XPO4: variants seen among roughly 807,000 people sequenced by gnomAD.
XPO4 encodes exportin-4.
Under a neutral mutation model 143.0 loss-of-function variants are expected in XPO4, and 39 were observed. That is an observed-to-expected ratio of 0.27 (90% confidence interval 0.21 to 0.36). The LOEUF (loss-of-function observed/expected upper bound fraction) is 0.36. Among genes scored for constraint, XPO4 ranks in the 10% least tolerant of loss-of-function variants. The pLI, the probability that XPO4 is intolerant of heterozygous loss-of-function variation, is 1.00. For missense variants in XPO4, 907 were observed against 1,348.0 expected (o/e 0.67, Z 5.12); for synonymous variants, 439 against 474.0 (o/e 0.93, Z 0.96).
At chr13:20,838,299 A>G (rs892915173) in intron 6 of XPO4, among the ~76,000 whole-genome samples, 3 of 151,984 alleles carry the variant, frequency 2.0e-5, no homozygotes, top group African/African-American at 7.2e-5. Flanking sequence ...CAATTAATAC[A>G]GTACTTTCTA....
chr13:20,849,710 T>G, intron 4 of XPO4: 1 of 984,408 alleles, frequency 1.0e-6, no homozygotes, highest in Non-Finnish European at 1.2e-6. Context: ...AAATTAGATA[T>G]AATCTTTCCA....
chr13:20,854,132 A>T (rs2818996), intron 4 of XPO4, among the ~76,000 whole-genome samples: 44,453 of 152,066 alleles, frequency 0.29, 8,196 homozygotes, highest in East Asian at 0.8. Flanking sequence ...AACAAACACA[A>T]GACCATTGAT....
chr13:20,831,869 G>C (rs1325638113), intron 6 of XPO4, among the ~76,000 whole-genome samples: 1 of 145,364 alleles, frequency 6.9e-6, no homozygotes, highest in Non-Finnish European at 1.5e-5. Context: ...TCTTAGCAAG[G>C]GTTCCGGCAA....
intron 2 of XPO4, among the ~76,000 whole-genome samples, chr13:20,864,527 C>T (rs1420350503): frequency 6.6e-6 from 1 of 152,068 alleles, no homozygotes; most frequent in African/African-American, 2.4e-5. Context: ...CTGAAGGATG[C>T]CCCAAGAGAT....
chr13:20,816,600 A>G (rs2059654059), intron 9 of XPO4, among the ~76,000 whole-genome samples: 4 of 152,242 alleles, frequency 2.6e-5, no homozygotes, highest in Admixed American at 2.6e-4. Context: ...TCACTTAAAT[A>G]TGATATGGAA....
chr13:20,827,219 T>G, intron 6 of XPO4, 40 bp from the exon 7 acceptor site: 1 of 1,429,202 alleles, frequency 7.0e-7, no homozygotes. Context: ...ACATTCTTAC[T>G]TTGTCTAAAG....
At chr13:20,786,466 T>C (rs1013869439) in intron 22 of XPO4, among the ~76,000 whole-genome samples, 1 of 152,100 alleles carries the variant, frequency 6.6e-6, no homozygotes, top group Non-Finnish European at 1.5e-5. Context: ...ACAGGTAAGC[T>C]AGCCTAACTC....
At chr13:20,882,759 G>A (rs914018133) in intron 1 of XPO4, among the ~76,000 whole-genome samples, 5 of 151,850 alleles carry the variant, frequency 3.3e-5, no homozygotes, top group African/African-American at 7.3e-5. Context: ...GTGGTGGTGG[G>A]CACCTATAAT....
At chr13:20,796,567 A>T (rs992325385) in intron 17 of XPO4, among the ~76,000 whole-genome samples, 197 bp downstream of exon 17, 3 of 144,594 alleles carry the variant, frequency 2.1e-5, no homozygotes, top group African/African-American at 8.2e-5. Flanking sequence ...AGAAGAAATT[A>T]AAAAAAAAAT....
At chr13:20,842,831 G>A (rs1217929062) in intron 6 of XPO4, 64 bp downstream of exon 6, 14 of 1,437,922 alleles carry the variant, frequency 9.7e-6, no homozygotes, top group African/African-American at 2.8e-5. Context: ...GAAAGACTCC[G>A]AGCTGTAATT....
chr13:20,887,388 A>G (rs1386259911), intron 1 of XPO4, among the ~76,000 whole-genome samples: 1 of 152,198 alleles, frequency 6.6e-6, no homozygotes, highest in Non-Finnish European at 1.5e-5. Flanking sequence ...TTAAAACATT[A>G]CAACATTACA....
chr13:20,875,065 A>G (rs2060338854), intron 1 of XPO4, among the ~76,000 whole-genome samples: 1 of 152,200 alleles, frequency 6.6e-6, no homozygotes, highest in South Asian at 2.1e-4. Flanking sequence ...AAATTGACTA[A>G]GACAGATGGT....
intron 3 of XPO4, 144 bp from the exon 4 acceptor site, chr13:20,855,909 A>G: frequency 3.5e-6 from 3 of 853,018 alleles, no homozygotes; most frequent in Non-Finnish European, 5.0e-6. Flanking sequence ...CAGACTCCAA[A>G]GCCAGGAGGC....
chr13:20,852,514 C>G lies in XPO4; in HGVS notation c.456+3113G>C, dbSNP rs974777449. ...CAAATTCATAGAAATGACAAGATTACCATTATACAACTCGTGTAGACACTG... is the reference window on the plus strand; with the variant it reads ...CAAATTCATAGAAATGACAAGATTAGCATTATACAACTCGTGTAGACACTG... On this transcript the variant is annotated intron_variant, in intron 4 of 22. Coordinates refer to ENST00000255305, the MANE Select transcript of XPO4 (RefSeq NM_022459.5). The G allele has an allele frequency of 1.7e-5, 17 of 985,318 alleles. No individual in the cohort carries two copies. The African/African-American group carries it at 2.8e-4, about 16-fold the overall frequency. 61.0% of individuals were successfully genotyped at this position (985,318 alleles called of 1,614,324 possible). A position where few individuals can be genotyped will look rare whatever the true frequency, so the allele number is the denominator to read the frequency against.
intron 7 of XPO4, 84 bp downstream of exon 7, chr13:20,826,983 C>T: frequency 3.4e-6 from 3 of 884,684 alleles, no homozygotes; most frequent in Non-Finnish European, 5.6e-6. Context: ...GAAAAGCAAT[C>T]TGTTCTGTTT....
At chr13:20,835,223 G>GAAATACTGATT (rs1256805368) in intron 6 of XPO4, among the ~76,000 whole-genome samples, 1 of 151,998 alleles carries the variant, frequency 6.6e-6, no homozygotes, top group East Asian at 1.9e-4. Flanking sequence ...ATAGTTGGAG[G>GAAATACTGATT]AAATACTGAT....
At chr13:20,852,057 C>A (rs1022736932) in intron 4 of XPO4, 27 of 985,252 alleles carry the variant, frequency 2.7e-5, no homozygotes, top group Non-Finnish European at 3.1e-5. Context: ...CCTTCGCCTG[C>A]GCCGTCCCAG....
At chr13:20,895,737 T>C (rs1415708245) in intron 1 of XPO4, among the ~76,000 whole-genome samples, 2 of 152,218 alleles carry the variant, frequency 1.3e-5, no homozygotes, top group Non-Finnish European at 2.9e-5. Flanking sequence ...TCATATATTC[T>C]ATTCTGCAAT....
At chr13:20,835,046 C>T (rs1308634493) in intron 6 of XPO4, among the ~76,000 whole-genome samples, 1 of 152,046 alleles carries the variant, frequency 6.6e-6, no homozygotes, top group African/African-American at 2.4e-5. Context: ...CCTCTGTTGC[C>T]CAGGCTGGGG....
Sources: allele counts gnomAD v4.1 joint callset (sites outside exome capture counted in the v4.1 genomes callset), GRCh38; gene constraint gnomAD v4.1.1; transcripts MANE v1.5; gene names NCBI Gene and HGNC (gene_info 2026-07-23, HGNC 2026-07-21).